DDX10: variants seen among roughly 807,000 people sequenced by gnomAD.
DDX10 encodes the protein DEAD-box helicase 10.
A neutral mutation model predicts 104.3 loss-of-function variants in DDX10; 74 were observed. The observed-to-expected ratio is 0.71, with a 90% CI of 0.59 to 0.86. The LOEUF (loss-of-function observed/expected upper bound fraction) is 0.86. Among genes scored for constraint, DDX10 ranks in the 40% least tolerant of loss-of-function variants. The probability of loss-of-function intolerance (pLI) is 0.00; values close to 1 mark genes in which losing one functional copy is unlikely to be tolerated. For missense variants in DDX10, 952 were observed against 1,040.0 expected (o/e 0.92, Z 1.16); for synonymous variants, 351 against 353.4 (o/e 0.99, Z 0.08).
chr11:108,720,665 AC>A (rs1343890066), intron 12 of DDX10, among the ~76,000 whole-genome samples: 1 of 152,124 alleles, frequency 6.6e-6, no homozygotes, highest in African/African-American at 2.4e-5. Context: ...ATCATGGCTC[AC>A]TGCATCCTTG....
intron 9 of DDX10, among the ~76,000 whole-genome samples, chr11:108,703,112 A>G (rs948764485): frequency 1.3e-5 from 2 of 152,170 alleles, no homozygotes; most frequent in Admixed American, 6.5e-5. Context: ...TATTCTTGAA[A>G]AATGCTGAGA....
chr11:108,739,172 T>C (rs1292975839), intron 13 of DDX10, among the ~76,000 whole-genome samples: 2 of 152,120 alleles, frequency 1.3e-5, no homozygotes, highest in African/African-American at 4.8e-5. Flanking sequence ...AAACATGAGA[T>C]GTCCATGGAT....
chr11:108,794,177 C>T (rs534787028), intron 13 of DDX10, among the ~76,000 whole-genome samples: 1 of 151,848 alleles, frequency 6.6e-6, no homozygotes, highest in Non-Finnish European at 1.5e-5. Context: ...AAACTAATTG[C>T]TTTTTCTTTG....
intron 10 of DDX10, among the ~76,000 whole-genome samples, chr11:108,708,239 G>A (rs1438757462): frequency 6.8e-6 from 1 of 146,950 alleles, no homozygotes; most frequent in African/African-American, 2.5e-5. Context: ...GATCATGAGT[G>A]GATATTGGAT....
At chr11:108,927,530 C>CTA (rs1863923540) in intron 17 of DDX10, among the ~76,000 whole-genome samples, 1 of 152,146 alleles carries the variant, frequency 6.6e-6, no homozygotes, top group African/African-American at 2.4e-5. Flanking sequence ...GATTGTGTTT[C>CTA]TATAAGGCAC....
Position 108,680,032 on chromosome 11 carries a change from G to A in DDX10, c.848+472G>A, listed in dbSNP as rs1247176522. ...GAATCATCCTTTTTAGCAGGATTAT[G>A]CAGTACTAATGTGTTATGGAACACA... On this transcript the variant is annotated intron_variant, in intron 6 of 17. Transcript: ENST00000322536. 2.6e-5 allele frequency among the ~76,000 whole-genome samples: 4 copies of A among 152,284 alleles called. No homozygotes were observed. The South Asian group carries it at 8.3e-4, about 32-fold the overall frequency.
intron 13 of DDX10, among the ~76,000 whole-genome samples, chr11:108,765,698 CAGG>C (rs1215680857): frequency 1.3e-5 from 2 of 152,208 alleles, no homozygotes; most frequent in Non-Finnish European, 2.9e-5. Context: ...CTTTTTATCA[CAGG>C]AGCATCACAA....
chr11:108,885,483 G>A (rs1055918415), intron 16 of DDX10, among the ~76,000 whole-genome samples: 1 of 151,056 alleles, frequency 6.6e-6, no homozygotes, highest in Non-Finnish European at 1.5e-5. Flanking sequence ...TCAGACTCTC[G>A]AGTAGCTGGG....
intron 13 of DDX10, among the ~76,000 whole-genome samples, chr11:108,783,559 G>A (rs1480641925): frequency 6.6e-6 from 1 of 152,196 alleles, no homozygotes; most frequent in Non-Finnish European, 1.5e-5. Context: ...TATAGCCTAA[G>A]TGAAGAAGCC....
intron 13 of DDX10, among the ~76,000 whole-genome samples, chr11:108,795,348 G>A (rs1257964361): frequency 2.7e-5 from 4 of 148,892 alleles, no homozygotes; most frequent in Non-Finnish European, 5.9e-5. Flanking sequence ...GGGTACATGT[G>A]CACAACATGC....
At chr11:108,696,250 C>T (rs1322922827) in intron 9 of DDX10, among the ~76,000 whole-genome samples, 1 of 152,112 alleles carries the variant, frequency 6.6e-6, no homozygotes, top group Non-Finnish European at 1.5e-5. Flanking sequence ...AATCTCAGCT[C>T]ACTGCAACCT....
At chr11:108,833,333 A>G (rs1401514198) in intron 13 of DDX10, among the ~76,000 whole-genome samples, 2 of 152,250 alleles carry the variant, frequency 1.3e-5, no homozygotes, top group Non-Finnish European at 2.9e-5. Flanking sequence ...GTTGTTTCAT[A>G]TCTTTTTCCA....
intron 6 of DDX10, among the ~76,000 whole-genome samples, chr11:108,686,367 G>A (rs1188167047): frequency 1.3e-5 from 2 of 152,106 alleles, no homozygotes. Flanking sequence ...TATATTCACT[G>A]CCCTGAAAGT....
chr11:108,688,926 A>G lies in DDX10; in HGVS notation c.849-10A>G. ...TATTCTAATGTTTTTCTTTTCCGTAATTCCACAAGCACCCCTGCCACTTTG... is the reference window on the plus strand; with the variant it reads ...TATTCTAATGTTTTTCTTTTCCGTAGTTCCACAAGCACCCCTGCCACTTTG... On this transcript the variant is annotated splice_polypyrimidine_tract_variant and intron_variant, in intron 6 of 17. Transcript: ENST00000322536. 1.2e-6 allele frequency: 2 copies of G among 1,608,118 alleles called. No individual in the cohort carries two copies. Among genetic ancestry groups the G allele is most frequent in the Non-Finnish European group, 1.7e-6 (2 of 1,177,060 alleles).
rs2726884 is a variant in DDX10, at chr11:108,774,486, C to T, written c.1965+51024C>T. Among the ~76,000 whole-genome samples the T allele has an allele frequency of 7.7e-3, 1,165 of 152,248 alleles. 30 individuals carry two copies. The highest frequency in any genetic ancestry group is 0.043 in the East Asian group (225 of 5,182). On this transcript the variant is annotated intron_variant, in intron 13 of 17. Coordinates refer to ENST00000322536, the MANE Select transcript of DDX10 (RefSeq NM_004398.4). ...GAAGCAGAGTTGGGTATACTCAATACATTATTTTTAGCTGGAAATATCTGC... is the reference window on the plus strand; with the variant it reads ...GAAGCAGAGTTGGGTATACTCAATATATTATTTTTAGCTGGAAATATCTGC...
At chr11:108,798,688 T>G (rs1353603614) in intron 13 of DDX10, among the ~76,000 whole-genome samples, 1 of 152,210 alleles carries the variant, frequency 6.6e-6, no homozygotes, top group Non-Finnish European at 1.5e-5. Context: ...TTTTTGTTTT[T>G]AAGGGAAGAG....
chr11:108,918,050 CT>C (rs1863775551), intron 17 of DDX10, 32 bp downstream of exon 17: 1 of 1,586,232 alleles, frequency 6.3e-7, no homozygotes, highest in Middle Eastern at 1.7e-4. Flanking sequence ...GAAATACATA[CT>C]TAGTACTCTC....
At chr11:108,771,012 G>A (rs2094362473) in intron 13 of DDX10, among the ~76,000 whole-genome samples, 1 of 152,034 alleles carries the variant, frequency 6.6e-6, no homozygotes. Context: ...ACCAGCATTT[G>A]TTATTGCCTG....
At chr11:108,715,656 T>A (rs898879155) in intron 10 of DDX10, among the ~76,000 whole-genome samples, 5 of 152,236 alleles carry the variant, frequency 3.3e-5, no homozygotes, top group Non-Finnish European at 5.9e-5. Context: ...CAGCATGGGA[T>A]GTTTGGAGAA....
Sources: gnomAD v4.1 joint callset for allele counts (sites outside exome capture counted in the v4.1 genomes callset) on GRCh38, gnomAD v4.1.1 for gene constraint, MANE v1.5 for transcripts, NCBI Gene and HGNC (gene_info 2026-07-23, HGNC 2026-07-21) for gene names.